ZSCAN5A: variants seen among roughly 807,000 people sequenced by gnomAD.
The protein encoded by ZSCAN5A is zinc finger and SCAN domain-containing protein 5A.
In ZSCAN5A, 12 loss-of-function variants were observed where a neutral mutation model predicts 23.7. That is an observed-to-expected ratio of 0.51 (90% CI 0.32 to 0.82). The LOEUF (loss-of-function observed/expected upper bound fraction) is 0.82. Among genes scored for constraint, ZSCAN5A ranks in the 40% least tolerant of loss-of-function variants. ZSCAN5A has a pLI of 0.03. For missense variants in ZSCAN5A, 597 were observed against 617.9 expected, an observed-to-expected ratio of 0.97 and a Z score of 0.36; for synonymous variants, 257 against 239.9, an observed-to-expected ratio of 1.07 and a Z score of -0.66.
At chr19:56,347,557 G>A (rs2041642280) in intron 2 of ZSCAN5A, 1 of 152,182 alleles carries the variant, frequency 6.6e-6, no homozygotes, top group African/African-American at 2.4e-5. Flanking sequence ...AGCTAAGGGA[G>A]AGTCAATTCA....
intron 2 of ZSCAN5A, among the ~76,000 whole-genome samples, chr19:56,259,515 T>C (rs1407637373): frequency 1.3e-5 from 2 of 152,198 alleles, no homozygotes; most frequent in Admixed American, 6.5e-5. Context: ...TCTGCCCCTT[T>C]TGTTTATTGA....
intron 2 of ZSCAN5A, among the ~76,000 whole-genome samples, chr19:56,258,843 AGAC>A (rs1203147302): frequency 3.3e-5 from 5 of 152,124 alleles, no homozygotes; most frequent in African/African-American, 1.2e-4. Context: ...AGGTCAGAAA[AGAC>A]GACACAACCT....
chr19:56,365,039 T>C (rs1321374717), intron 1 of ZSCAN5A: 1 of 152,240 alleles, frequency 6.6e-6, no homozygotes, highest in Admixed American at 6.5e-5. Flanking sequence ...AAACCATTTT[T>C]AAAAGAAAAC....
chr19:56,259,477 A>G (rs1294930729), intron 2 of ZSCAN5A, among the ~76,000 whole-genome samples: 1 of 152,154 alleles, frequency 6.6e-6, no homozygotes, highest in Admixed American at 6.5e-5. Context: ...GTTCCTGTTC[A>G]TGCCTCTCGT....
chr19:56,319,144 A>G (rs956926404), upstream of ZSCAN5A, among the ~76,000 whole-genome samples: 2 of 152,112 alleles, frequency 1.3e-5, no homozygotes, highest in Admixed American at 6.5e-5. Flanking sequence ...AAAGAAGCTC[A>G]TTCCCCCCTA....
In ZSCAN5A at chr19:56,306,347, T is replaced by C. The variant is rs375756738; in HGVS notation, c.-128+6936A>G. Reference sequence around the variant, plus strand: ...AGATGGGAGATTTCTCTTCCCTTGATAGCTACAAAGAGGCTCCTCCCTGGC... The same window carrying C: ...AGATGGGAGATTTCTCTTCCCTTGACAGCTACAAAGAGGCTCCTCCCTGGC... On this transcript the variant is annotated intron_variant, in intron 2 of 5. Coordinates refer to ENST00000683990, the MANE Select transcript of ZSCAN5A (RefSeq NM_001322064.3). 1.2e-3 allele frequency among the ~76,000 whole-genome samples: 146 copies of C among 119,538 alleles called. 2 individuals are homozygous for C. Among genetic ancestry groups the C allele is most frequent in the Admixed American group, 0.01 (119 of 11,650 alleles). The allele number at this position is 119,538 out of a possible 152,430, so 78.4% of individuals were successfully genotyped here.
At chr19:56,281,787 C>A in intron 2 of ZSCAN5A, 1 of 753,536 alleles carries the variant, frequency 1.3e-6, no homozygotes, top group Non-Finnish European at 1.6e-6. Flanking sequence ...GGCAAAACTG[C>A]TGACGATCAC....
At chr19:56,253,851 A>C (rs2036524949) in intron 2 of ZSCAN5A, among the ~76,000 whole-genome samples, 1 of 152,206 alleles carries the variant, frequency 6.6e-6, no homozygotes, top group African/African-American at 2.4e-5. Flanking sequence ...CACTAGCATC[A>C]TACGCACCCA....
At chr19:56,230,615 A>ATGTGTGTGTGTGTG (rs58270311) in intron 2 of ZSCAN5A, among the ~76,000 whole-genome samples, 13 of 147,688 alleles carry the variant, frequency 8.8e-5, no homozygotes, top group East Asian at 2.1e-4. Flanking sequence ...TTATTTCTTG[A>ATGTGTGTGTGTGTG]TGTGTGTGTG....
chr19:56,315,870 A>G (rs1328464418), upstream of ZSCAN5A: 7 of 152,156 alleles, frequency 4.6e-5, no homozygotes, highest in South Asian at 4.1e-4. Flanking sequence ...CCAGCACACA[A>G]TGACCCTTCA....
At chr19:56,275,165 C>T (rs1405494008) in intron 2 of ZSCAN5A, among the ~76,000 whole-genome samples, 1 of 152,136 alleles carries the variant, frequency 6.6e-6, no homozygotes, top group East Asian at 1.9e-4. Flanking sequence ...TACTATTTTC[C>T]CCCTTTGTAA....
intron 2 of ZSCAN5A, among the ~76,000 whole-genome samples, chr19:56,360,967 C>A (rs920410225): frequency 7.9e-5 from 12 of 152,158 alleles, no homozygotes; most frequent in Admixed American, 5.2e-4. Flanking sequence ...TATTCAGCAT[C>A]CATAAGGAAC....
Position 56,225,120 on chromosome 19 carries a change from A to G in ZSCAN5A, c.-74T>C. The G allele has an allele frequency of 6.6e-7, 1 of 1,507,276 alleles. No homozygotes were observed. Among genetic ancestry groups the G allele is most frequent in the Non-Finnish European group, 8.8e-7 (1 of 1,136,422 alleles). 93.4% of individuals were successfully genotyped at this position (1,507,276 alleles called of 1,614,324 possible). ...GCTGGTATCTAATTGATACCTATCT[A>G]CACAGGCTTCCTCTGGTTTTCCTCA... On this transcript the variant is annotated 5_prime_UTR_variant, in exon 3 of 6. An upstream open reading frame in the 5' UTR loses its in-frame stop. Transcript: ENST00000683990.
chr19:56,349,346 G>A (rs1056193890), intron 2 of ZSCAN5A, among the ~76,000 whole-genome samples: 6 of 152,152 alleles, frequency 3.9e-5, no homozygotes, highest in African/African-American at 1.4e-4. Context: ...AGCCTGCAAA[G>A]CTGAGGAAGC....
intron 2 of ZSCAN5A, among the ~76,000 whole-genome samples, chr19:56,232,482 G>A (rs1175439579): frequency 6.6e-6 from 1 of 151,546 alleles, no homozygotes; most frequent in Non-Finnish European, 1.5e-5. Context: ...TATATCAACT[G>A]TACCTCAATA....
intron 2 of ZSCAN5A, among the ~76,000 whole-genome samples, chr19:56,239,306 A>G (rs1036242): frequency 0.59 from 89,274 of 151,350 alleles, 27,255 homozygotes; most frequent in South Asian, 0.7. Flanking sequence ...GGATTTGTGA[A>G]TCAGTCAGCG....
chr19:56,277,810 T>C (rs1360936097), intron 2 of ZSCAN5A, among the ~76,000 whole-genome samples: 1 of 152,118 alleles, frequency 6.6e-6, no homozygotes, highest in Non-Finnish European at 1.5e-5. Flanking sequence ...ACAATGTACA[T>C]TACAAAGATG....
chr19:56,281,470 C>T (rs573980641), intron 2 of ZSCAN5A, among the ~76,000 whole-genome samples: 1 of 152,146 alleles, frequency 6.6e-6, no homozygotes, highest in African/African-American at 2.4e-5. Context: ...ACAATGCTAT[C>T]GCTGTATTGA....
intron 2 of ZSCAN5A, among the ~76,000 whole-genome samples, chr19:56,346,495 C>CT (rs934409546): frequency 4.7e-5 from 7 of 149,600 alleles, no homozygotes; most frequent in African/African-American, 1.7e-4. Context: ...AAAACCTGGC[C>CT]TTTTTTGTGT....
Sources: allele counts gnomAD v4.1 joint callset (sites outside exome capture counted in the v4.1 genomes callset), GRCh38; gene constraint gnomAD v4.1.1; transcripts MANE v1.5; gene names NCBI Gene and HGNC (gene_info 2026-07-23, HGNC 2026-07-21).